KIF26B: variants seen among roughly 807,000 people sequenced by gnomAD.
The protein encoded by KIF26B is kinesin family member 26B, also known as kinesin-like protein KIF26B.
A neutral mutation model predicts 151.2 loss-of-function variants in KIF26B; 63 were observed. The observed-to-expected ratio is 0.42, with a 90% CI of 0.34 to 0.51. The LOEUF is 0.51. KIF26B is among the 20% of genes least tolerant of loss of function. The pLI is 0.07. For synonymous variants in KIF26B, 1,357 were observed against 1,262.1 expected, an observed-to-expected ratio of 1.08 and a Z score of -1.59; for missense variants, 2,813 against 2,913.6, an observed-to-expected ratio of 0.97 and a Z score of 0.79.
intron 14 of KIF26B, among the ~76,000 whole-genome samples, chr1:245,700,561 G>A (rs2044756436): frequency 6.6e-6 from 1 of 152,156 alleles, no homozygotes; most frequent in Admixed American, 6.6e-5. Flanking sequence ...AGCCGGGCGT[G>A]GTGGCGGGCA....
intron 2 of KIF26B, among the ~76,000 whole-genome samples, chr1:245,233,911 G>A (rs1670050045): frequency 6.6e-6 from 1 of 152,070 alleles, no homozygotes; most frequent in African/African-American, 2.4e-5. Flanking sequence ...GCTGGGCGCG[G>A]TGGCTCACAC....
intron 2 of KIF26B, among the ~76,000 whole-genome samples, chr1:245,333,111 T>C (rs898524994): frequency 1.3e-5 from 2 of 152,050 alleles, no homozygotes; most frequent in African/African-American, 4.8e-5. Context: ...ATTGATAGAA[T>C]ACTGGAAGGC....
chr1:245,173,375 C>A (rs1668746089), intron 2 of KIF26B, among the ~76,000 whole-genome samples: 1 of 152,158 alleles, frequency 6.6e-6, no homozygotes, highest in African/African-American at 2.4e-5. Flanking sequence ...ACTGGGCGCA[C>A]ACACACGGAA....
intron 2 of KIF26B, among the ~76,000 whole-genome samples, chr1:245,345,606 G>A (rs1282780766): frequency 6.6e-6 from 1 of 152,038 alleles, no homozygotes; most frequent in Admixed American, 6.6e-5. Flanking sequence ...GGGGCCTGGT[G>A]GGAGGTGGCT....
intron 9 of KIF26B, among the ~76,000 whole-genome samples, chr1:245,622,755 C>T (rs1171525844): frequency 2.0e-5 from 3 of 152,130 alleles, no homozygotes; most frequent in Non-Finnish European, 2.9e-5. Flanking sequence ...TAAGCTGGGC[C>T]GCCTGGAAAG....
chr1:245,394,609 C>T (rs990519712), intron 3 of KIF26B, among the ~76,000 whole-genome samples: 2 of 151,030 alleles, frequency 1.3e-5, no homozygotes, highest in Non-Finnish European at 2.9e-5. Flanking sequence ...GGCAGCAGAG[C>T]AAGACTCTGT....
At chr1:245,180,956 G>A (rs1668895725) in intron 2 of KIF26B, among the ~76,000 whole-genome samples, 1 of 151,950 alleles carries the variant, frequency 6.6e-6, no homozygotes, top group Non-Finnish European at 1.5e-5. Flanking sequence ...CTCTTTTGTG[G>A]GCAAGATAGG....
At chr1:245,609,906 CTG>C (rs1031561413) in intron 8 of KIF26B, among the ~76,000 whole-genome samples, 1 of 152,192 alleles carries the variant, frequency 6.6e-6, no homozygotes, top group Non-Finnish European at 1.5e-5. Flanking sequence ...ACTCTATAAA[CTG>C]TGCTTCTGGC....
chr1:245,511,600 G>C (rs945244066), intron 4 of KIF26B, among the ~76,000 whole-genome samples: 14 of 152,164 alleles, frequency 9.2e-5, no homozygotes, highest in African/African-American at 3.4e-4. Context: ...TTGTTTGTTT[G>C]TTTGTTTGGT....
chr1:245,401,596 C>T (rs1674001524), intron 3 of KIF26B, among the ~76,000 whole-genome samples: 2 of 152,152 alleles, frequency 1.3e-5, no homozygotes, highest in African/African-American at 2.4e-5. Flanking sequence ...AGGCTGGGCG[C>T]GGTGGCTCAC....
At chr1:245,172,257 T>TA (rs1413972984) in intron 2 of KIF26B, among the ~76,000 whole-genome samples, 1 of 152,102 alleles carries the variant, frequency 6.6e-6, no homozygotes, top group African/African-American at 2.4e-5. Context: ...AGTGCAGAGT[T>TA]AGGACACTTG....
chr1:245,193,574 C>T (rs866001705), intron 2 of KIF26B, among the ~76,000 whole-genome samples: 13 of 152,028 alleles, frequency 8.6e-5, no homozygotes, highest in African/African-American at 9.7e-5. Context: ...AGTCATCATG[C>T]GTTAAGAGCT....
intron 2 of KIF26B, among the ~76,000 whole-genome samples, chr1:245,305,210 G>C (rs1671513160): frequency 6.6e-6 from 1 of 152,126 alleles, no homozygotes; most frequent in Non-Finnish European, 1.5e-5. Flanking sequence ...AAAATCTAAA[G>C]CACAGGGACA....
chr1:245,589,641 G>A (rs773815498), intron 5 of KIF26B, among the ~76,000 whole-genome samples: 28 of 152,196 alleles, frequency 1.8e-4, no homozygotes, highest in Admixed American at 3.3e-4. Context: ...ATTATTAGGC[G>A]AGTGTGGTCA....
At chr1:245,419,056 A>G (rs1379113874) in intron 3 of KIF26B, among the ~76,000 whole-genome samples, 1 of 152,174 alleles carries the variant, frequency 6.6e-6, no homozygotes, top group African/African-American at 2.4e-5. Flanking sequence ...TAGTTTCTCT[A>G]TGTTGCCTGT....
intron 5 of KIF26B, among the ~76,000 whole-genome samples, chr1:245,546,816 T>C (rs1000377418): frequency 6.6e-6 from 1 of 152,222 alleles, no homozygotes; most frequent in African/African-American, 2.4e-5. Context: ...GCTTTGTAAA[T>C]TAAATTGTTA....
chr1:245,689,386 A>G (rs1231276520), intron 12 of KIF26B, among the ~76,000 whole-genome samples: 1 of 152,104 alleles, frequency 6.6e-6, no homozygotes, highest in African/African-American at 2.4e-5. Flanking sequence ...GGGATGTGGG[A>G]TAACGCACAG....
intron 2 of KIF26B, among the ~76,000 whole-genome samples, chr1:245,342,619 C>CA (rs888024590): frequency 2.3e-4 from 35 of 152,056 alleles, no homozygotes; most frequent in Non-Finnish European, 4.9e-4. Flanking sequence ...GTAAAGGGAC[C>CA]ATGCTACAAT....
chr1:245,188,993 A>G (rs1024885809), intron 2 of KIF26B, among the ~76,000 whole-genome samples: 1 of 152,246 alleles, frequency 6.6e-6, no homozygotes, highest in African/African-American at 2.4e-5. Context: ...CACGAGGTAC[A>G]TAAAGTAATC....
Sources: gnomAD v4.1 joint callset for allele counts (sites outside exome capture counted in the v4.1 genomes callset) on GRCh38, gnomAD v4.1.1 for gene constraint, MANE v1.5 for transcripts, NCBI Gene and HGNC (gene_info 2026-07-23, HGNC 2026-07-21) for gene names.